Variants in PDCD1LG2 observed in about 807,000 individuals in gnomAD.
PDCD1LG2 encodes the protein programmed cell death 1 ligand 2, also known as B7 dendritic cell molecule.
PDCD1LG2 carries 32 observed loss-of-function variants against 28.2 expected under a neutral mutation model. The ratio of observed to expected loss-of-function variants is 1.13; its 90% CI spans 0.86 to 1.52. PDCD1LG2 has a LOEUF of 1.52. Among genes scored for constraint, PDCD1LG2 ranks in the 40% most tolerant of loss-of-function variants. PDCD1LG2 has a pLI of 0.00. For synonymous variants in PDCD1LG2, 116 were observed against 120.2 expected, an observed-to-expected ratio of 0.97 and a Z score of 0.23; for missense variants, 385 against 323.8, an observed-to-expected ratio of 1.19 and a Z score of -1.45.
chr9:5,549,603 A>G lies in PDCD1LG2; in HGVS notation c.630A>G (p.Gln210=), dbSNP rs745866489. The change falls in exon 4 of 7, where the codon CAA becomes CAG. Residue 210 remains glutamine (Q), a splice_region_variant and synonymous_variant. Transcript: ENST00000397747. ...RELTLASIDL[Q]SQMEPRTHPT... ...TTACTTTGGCCAGCATTGACCTTCA[A>G]AGTAAGAGCTGCCCCCACTTCCTAG... 3.7e-6 allele frequency: 6 copies of G among 1,614,040 alleles called. No homozygotes were observed. In the Admixed American group the frequency reaches 5.0e-5, roughly 13 times the overall value.
rs142202384 is a variant in PDCD1LG2, at chr9:5,553,623, C to T, written c.632-3995C>T. Reference sequence around the variant, plus strand: ...CTGACCATTGCTCTGGAAGCCTTTACGCTGTGAGAAGTTAACAGTGGAGTA... The same window carrying T: ...CTGACCATTGCTCTGGAAGCCTTTATGCTGTGAGAAGTTAACAGTGGAGTA... On this transcript the variant is annotated intron_variant, in intron 4 of 6. Transcript: ENST00000397747. Among the ~76,000 whole-genome samples, 123 of 152,242 alleles carry T rather than the reference C, an allele frequency of 8.1e-4. 1 individual carries two copies. The highest frequency in any genetic ancestry group is 2.2e-3 in the African/African-American group (93 of 41,542).
intron 2 of PDCD1LG2, among the ~76,000 whole-genome samples, chr9:5,526,164 T>G (rs906306163): frequency 6.6e-6 from 1 of 152,128 alleles, no homozygotes; most frequent in African/African-American, 2.4e-5. Context: ...GGGTAGGTGG[T>G]AGGTTCACAG....
intron 2 of PDCD1LG2, among the ~76,000 whole-genome samples, chr9:5,524,123 A>T (rs149408943): frequency 2.0e-4 from 30 of 152,346 alleles, no homozygotes; most frequent in African/African-American, 6.3e-4. Context: ...GGTATAGTTC[A>T]TTTAATCTTC....
chr9:5,567,771 G>A (rs1479281497), intron 6 of PDCD1LG2, among the ~76,000 whole-genome samples: 1 of 152,150 alleles, frequency 6.6e-6, no homozygotes, highest in Non-Finnish European at 1.5e-5. Context: ...TGTCAGTTAG[G>A]CCATGTGGGA....
chr9:5,538,547 G>C (rs1167926086), intron 3 of PDCD1LG2, among the ~76,000 whole-genome samples: 2 of 152,120 alleles, frequency 1.3e-5, no homozygotes, highest in East Asian at 3.8e-4. Context: ...AATTAGCCGG[G>C]CGCGGTGGCG....
chr9:5,521,359 TTG>T (rs1820270570), intron 1 of PDCD1LG2, among the ~76,000 whole-genome samples: 2 of 152,236 alleles, frequency 1.3e-5, no homozygotes, highest in Admixed American at 6.5e-5. Flanking sequence ...TAAAAAAAGT[TTG>T]TGTTTTAAAT....
At chr9:5,535,099 G>A in intron 3 of PDCD1LG2, 49 bp downstream of exon 3, 1 of 1,477,704 alleles carries the variant, frequency 6.8e-7, no homozygotes, top group Non-Finnish European at 9.0e-7. Context: ...CTCCAACAGA[G>A]GATCTGCAAG....
At chr9:5,557,502 G>C (rs1563832956) in intron 4 of PDCD1LG2, 116 bp from the exon 5 acceptor site, 1 of 1,194,456 alleles carries the variant, frequency 8.4e-7, no homozygotes, top group East Asian at 2.3e-5. Flanking sequence ...GGCCTGGTGT[G>C]GAGTAAATGC....
At chr9:5,548,094 CTG>C (rs1816250066) in intron 3 of PDCD1LG2, among the ~76,000 whole-genome samples, 1 of 151,754 alleles carries the variant, frequency 6.6e-6, no homozygotes. Context: ...AATGCATTAA[CTG>C]TGGTCATCAC....
intron 6 of PDCD1LG2, among the ~76,000 whole-genome samples, chr9:5,567,186 C>T (rs975769049): frequency 6.6e-6 from 1 of 152,174 alleles, no homozygotes; most frequent in South Asian, 2.1e-4. Context: ...AAGGGCGATG[C>T]TATACCTTCT....
chr9:5,557,796 G>T, intron 5 of PDCD1LG2, 44 bp downstream of exon 5: 1 of 1,606,330 alleles, frequency 6.2e-7, no homozygotes, highest in African/African-American at 1.3e-5. Flanking sequence ...CTGGGTGTCT[G>T]CAGCATGAGC....
rs1320395688 is a variant in PDCD1LG2 at position 5,535,070 on chromosome 9, A to G, written c.361+20A>G. On this transcript the variant is annotated intron_variant, in intron 3 of 6. Transcript: ENST00000397747. The stretch of plus-strand genomic sequence containing the variant: ...TCAAAGGTGAGTGGTGTCAAGGACT[A>G]GAATCCATGGAAGCATCTCTCCAAC... 2 of 1,570,870 alleles carry G rather than the reference A, an allele frequency of 1.3e-6. No individual in the cohort carries two copies. The highest frequency in any genetic ancestry group is 1.8e-5 in the Admixed American group (1 of 55,770).
chr9:5,535,322 G>T lies in PDCD1LG2; in HGVS notation c.361+272G>T, dbSNP rs551298971. Among the ~76,000 whole-genome samples, 14 of 152,242 alleles carry T rather than the reference G, an allele frequency of 9.2e-5. No individual in the cohort carries two copies. In the South Asian group the frequency reaches 2.3e-3, roughly 25 times the overall value. ...AAATTAGTCCCTGAAATGTGGGAGGGTATGAAAAATAAGCTTTGCCTAATT... is the reference window on the plus strand; with the variant it reads ...AAATTAGTCCCTGAAATGTGGGAGGTTATGAAAAATAAGCTTTGCCTAATT... On this transcript the variant is annotated intron_variant, in intron 3 of 6. Transcript: ENST00000397747.
rs1220375743 is a variant in PDCD1LG2 at position 5,519,308 on chromosome 9, C to T, written c.-14-3225C>T. On this transcript the variant is annotated intron_variant, in intron 1 of 6. Transcript: ENST00000397747. ...TAAATGAGGCAGTTGTGGGTATGGG[C>T]TCTGAAATGGGTTGGTTTGCATTTG... 2.0e-5 allele frequency among the ~76,000 whole-genome samples: 3 copies of T among 152,040 alleles called. No homozygotes were observed. The East Asian group carries it at 5.8e-4, about 29-fold the overall frequency.
chr9:5,564,322 G>T (rs749106794), intron 6 of PDCD1LG2, among the ~76,000 whole-genome samples: 2 of 152,146 alleles, frequency 1.3e-5, no homozygotes, highest in Admixed American at 6.5e-5. Flanking sequence ...AGCAACAAAA[G>T]GACATCTGTG....
chr9:5,564,918 A>G (rs925342830), intron 6 of PDCD1LG2, among the ~76,000 whole-genome samples: 2 of 152,232 alleles, frequency 1.3e-5, no homozygotes, highest in African/African-American at 4.8e-5. Context: ...TACAGTAATG[A>G]GTAACTTTAT....
In PDCD1LG2 at chr9:5,569,846, T is replaced by A; in HGVS notation, c.817-108T>A. The stretch of plus-strand genomic sequence containing the variant: ...AGTTTTAAACCATGCGGCTTCCAGC[T>A]AGATGAACTTTTTTAAAAAAATTAG... On this transcript the variant is annotated intron_variant, in intron 6 of 6. Transcript: ENST00000397747. The surrounding 1 kb of genome is among the most constrained non-coding windows in gnomAD (Gnocchi z 4.1). 1 of 1,109,084 alleles carries A rather than the reference T, an allele frequency of 9.0e-7. No homozygotes were observed. The highest frequency in any genetic ancestry group is 1.4e-6 in the Non-Finnish European group (1 of 733,820). The allele number at this position is 1,109,084 out of a possible 1,614,324, so 68.7% of individuals were successfully genotyped here. A position where few individuals can be genotyped will look rare whatever the true frequency, so the allele number is the denominator to read the frequency against.
intron 3 of PDCD1LG2, among the ~76,000 whole-genome samples, chr9:5,540,076 A>T (rs1419449866): frequency 1.3e-5 from 2 of 152,254 alleles, no homozygotes; most frequent in African/African-American, 4.8e-5. Flanking sequence ...AACTGGAAAT[A>T]AACTCCAAAA....
At position 5,522,704 on chromosome 9, in the gene PDCD1LG2, G is replaced by A. The variant is rs573950440; in HGVS notation, c.55+103G>A. 3 of 985,344 alleles carry A rather than the reference G, an allele frequency of 3.0e-6. No individual in the cohort carries two copies. In the East Asian group the frequency reaches 7.5e-5, roughly 24 times the overall value. The allele number at this position is 985,344 out of a possible 1,614,324, so 61.0% of individuals were successfully genotyped here. ...GGCCCTCAGGCTGAGGGCTTTCTTT[G>A]AGAGGACGTATGATTTCTGGGCTAT... On this transcript the variant is annotated intron_variant, in intron 2 of 6. Coordinates refer to ENST00000397747, the MANE Select transcript of PDCD1LG2 (RefSeq NM_025239.4).
Sources: gnomAD v4.1 joint callset for allele counts (sites outside exome capture counted in the v4.1 genomes callset) on GRCh38, gnomAD v4.1.1 for gene constraint, Gnocchi (gnomAD v3.1) non-coding constraint, MANE v1.5 for transcripts, NCBI Gene and HGNC (gene_info 2026-07-23, HGNC 2026-07-21) for gene names.